INSIG1: variants seen among roughly 807,000 people sequenced by gnomAD.
INSIG1 encodes the protein insulin induced gene 1.
A neutral mutation model predicts 26.5 loss-of-function variants in INSIG1; 14 were observed. The observed-to-expected ratio is 0.53, with a 90% CI of 0.35 to 0.83. The LOEUF (loss-of-function observed/expected upper bound fraction) is 0.83, where lower values mean the gene tolerates loss of function less well. Ranked by LOEUF, INSIG1 falls within the 40% of genes least tolerant of loss-of-function variation. The probability of loss-of-function intolerance (pLI) is 0.01; values close to 1 mark genes in which losing one functional copy is unlikely to be tolerated. For missense variants in INSIG1, 272 were observed against 368.9 expected (o/e 0.74, Z 2.15); for synonymous variants, 147 against 153.3 (o/e 0.96, Z 0.30).
intron 2 of INSIG1, 38 bp from the exon 3 acceptor site, chr7:155,301,528 T>C: frequency 6.4e-7 from 1 of 1,565,320 alleles, no homozygotes; most frequent in South Asian, 1.2e-5. Flanking sequence ...GGAACTTGAA[T>C]CTGCTGTATT....
intron 2 of INSIG1, 96 bp from the exon 3 acceptor site, chr7:155,301,470 A>T (rs574193922): frequency 9.0e-7 from 1 of 1,111,620 alleles, no homozygotes; most frequent in Admixed American, 2.6e-5. Context: ...TAGGAAAAGG[A>T]CTGGTTTGAG....
intron 2 of INSIG1, among the ~76,000 whole-genome samples, chr7:155,301,131 G>A (rs1054563317): frequency 5.9e-5 from 9 of 152,242 alleles, no homozygotes; most frequent in African/African-American, 1.9e-4. Context: ...GAGTGTCAGA[G>A]CTGTGATGTG....
Position 155,302,922 on chromosome 7 carries a change from C to A in INSIG1, c.804+76C>A. On this transcript the variant is annotated intron_variant, in intron 5 of 5. Transcript: ENST00000340368. This position sits in a 1 kb window ranked among gnomAD's most constrained non-coding sequence, Gnocchi z 4.3. ...ATAGAATGACTTTACATGATACATT[C>A]AAATTTGCGTTCATATATTCTGGTT... 1.0e-6 allele frequency: 1 copy of A among 989,552 alleles called. No homozygotes were observed. Among genetic ancestry groups the A allele is most frequent in the Non-Finnish European group, 1.6e-6 (1 of 625,540 alleles). The allele number at this position is 989,552 out of a possible 1,614,324, so 61.3% of individuals were successfully genotyped here.
rs1129830 is a variant in INSIG1, at chr7:155,302,753, A to G, written c.711A>G (p.Thr237=). 7 of 1,605,610 alleles carry G rather than the reference A, an allele frequency of 4.4e-6. 1 individual carries two copies. In the South Asian group the frequency reaches 6.6e-5, roughly 15 times the overall value. The change falls in exon 5 of 6, where the codon ACA becomes ACG. Residue 237 remains threonine, a synonymous_variant. Transcript: ENST00000340368. This position sits in a 1 kb window ranked among gnomAD's most constrained non-coding sequence, Gnocchi z 4.3. ...GTTTCTTTTCTCGCTCCAGGTATAC[A>G]TCCCCAGATTTCCTCTATATTCGTT... ...FLVYNGVYQY[T]SPDFLYIRSW...
chr7:155,302,430 T>G lies in INSIG1; in HGVS notation c.704+13T>G. On this transcript the variant is annotated intron_variant, in intron 4 of 5. Transcript: ENST00000340368. The surrounding 1 kb of genome is among the most constrained non-coding windows in gnomAD (Gnocchi z 4.3). The stretch of plus-strand genomic sequence containing the variant: ...ATGGTGTCTATCAGTAAGTGTGTGT[T>G]TTCAAATATTGGCTTTGGAAAGCTT... The G allele has an allele frequency of 6.4e-7, 1 of 1,563,196 alleles. No homozygotes were observed. The highest frequency in any genetic ancestry group is 2.3e-5 in the East Asian group (1 of 43,840).
Position 155,302,988 on chromosome 7 carries a change from AAAAAT to A in INSIG1, c.804+144_804+148del. 1 of 538,592 alleles carries A rather than the reference AAAAAT, an allele frequency of 1.9e-6. No homozygotes were observed. 33.4% of individuals were successfully genotyped at this position (538,592 alleles called of 1,614,324 possible). ...ACTACTGAGAAAAGCTTATATTTAA[AAAAAT>A]AGGTAATGATACCCAGGTAATTCTT... On this transcript the variant is annotated intron_variant, in intron 5 of 5. Transcript: ENST00000340368. This position sits in a 1 kb window ranked among gnomAD's most constrained non-coding sequence, Gnocchi z 4.3.
intron 5 of INSIG1, chr7:155,303,167 C>G (rs1585204556): frequency 8.1e-6 from 2 of 248,416 alleles, no homozygotes; most frequent in East Asian, 1.8e-4. Context: ...TGTGAGTGTC[C>G]CCTCCTCCTT....
rs73485859 is a variant in INSIG1, at chr7:155,302,215, A to T, written c.538-36A>T. On this transcript the variant is annotated intron_variant, in intron 3 of 5. Transcript: ENST00000340368. The surrounding 1 kb of genome is among the most constrained non-coding windows in gnomAD (Gnocchi z 4.3). Reference sequence around the variant, plus strand: ...TTTTACGTTTTTTTATCTTAATAAGAGTCAGCAAACTTTTCCTTAACTTTT... The same window carrying T: ...TTTTACGTTTTTTTATCTTAATAAGTGTCAGCAAACTTTTCCTTAACTTTT... The T allele has an allele frequency of 0.017, 25,145 of 1,520,026 alleles. 789 individuals carry two copies. The highest frequency in any genetic ancestry group is 0.12 in the East Asian group (5,016 of 41,802). The allele number at this position is 1,520,026 out of a possible 1,614,324, so 94.2% of individuals were successfully genotyped here.
At chr7:155,300,014 G>A (rs2150894720) in intron 2 of INSIG1, among the ~76,000 whole-genome samples, 1 of 152,166 alleles carries the variant, frequency 6.6e-6, no homozygotes, top group East Asian at 1.9e-4. Flanking sequence ...TGGGTAGAAT[G>A]TTTTCATATT....
intron 5 of INSIG1, among the ~76,000 whole-genome samples, chr7:155,306,960 C>T (rs747812086): frequency 2.6e-5 from 4 of 152,376 alleles, no homozygotes; most frequent in Non-Finnish European, 4.4e-5. Context: ...TCGTCTCTGG[C>T]GTCTTTGCCA....
Position 155,301,602 on chromosome 7 carries a change from A to G in INSIG1, c.449A>G (p.His150Arg). 1 of 1,610,990 alleles carries G rather than the reference A, an allele frequency of 6.2e-7. No homozygotes were observed. Among genetic ancestry groups the G allele is most frequent in the Non-Finnish European group, 8.5e-7 (1 of 1,177,732 alleles). Residue 150 changes from histidine to arginine, a missense_variant, in exon 3 of 6, where the codon CAC becomes CGC. His to Arg is a conservative substitution (Grantham distance 29). This residue lies in a region of INSIG1 where 111 missense variants were observed against 189.8 expected (regional missense o/e 0.58). Coordinates refer to ENST00000340368, the MANE Select transcript of INSIG1 (RefSeq NM_005542.6). The stretch of plus-strand genomic sequence containing the variant: ...CTACTGTACCCCTGTATCGACAGTC[A>G]CCTCGGAGAACCCCACAAATTTAAG... ...VGLLYPCIDSHLGEPHKFKRE... is the reference protein window; with the variant it reads ...VGLLYPCIDSRLGEPHKFKRE...
chr7:155,302,439 T>C lies in INSIG1; in HGVS notation c.704+22T>C. 1 of 1,552,500 alleles carries C rather than the reference T, an allele frequency of 6.4e-7. No homozygotes were observed. The highest frequency in any genetic ancestry group is 1.2e-5 in the South Asian group (1 of 80,930). The stretch of plus-strand genomic sequence containing the variant: ...ATCAGTAAGTGTGTGTTTTCAAATA[T>C]TGGCTTTGGAAAGCTTACTTAACTT... On this transcript the variant is annotated intron_variant, in intron 4 of 5. Coordinates refer to ENST00000340368, the MANE Select transcript of INSIG1 (RefSeq NM_005542.6). The surrounding 1 kb of genome is among the most constrained non-coding windows in gnomAD (Gnocchi z 4.3).
Position 155,308,242 on chromosome 7 carries a change from G to A in INSIG1, c.806G>A (p.Gly269Asp). ...TTTTTTTTTCCTTTCTACACATAGG[G>A]TGTTCCTGAAAAGCCCCATAGTGAT... ...VGNIGRQLAMGVPEKPHSD is the reference protein window; with the variant it reads ...VGNIGRQLAMDVPEKPHSD The change falls in exon 6 of 6, where the codon GGT (glycine) becomes GAT (aspartate). Residue 269 changes from glycine (G) to aspartate (D), a missense_variant and splice_region_variant. By Grantham distance (94) the Gly-to-Asp change is moderately conservative. This residue lies in a region of INSIG1 where 111 missense variants were observed against 189.8 expected (regional missense o/e 0.58). Transcript: ENST00000340368. 6.5e-7 allele frequency: 1 copy of A among 1,548,254 alleles called. No homozygotes were observed. The highest frequency in any genetic ancestry group is 8.9e-7 in the Non-Finnish European group (1 of 1,122,724).
chr7:155,299,114 C>G (rs975354000), intron 2 of INSIG1, among the ~76,000 whole-genome samples: 3 of 152,218 alleles, frequency 2.0e-5, no homozygotes, highest in East Asian at 3.8e-4. Flanking sequence ...AACATGCTAC[C>G]CTGCTGGATA....
rs1563034770 is a variant in INSIG1 at position 155,308,793 on chromosome 7, A to T, written c.*523A>T. ...AGTGATTATAGAGAGGTCACACTCT[A>T]AGTGGGGTCGCGGCGTGGCCACGCT... is the stretch of plus-strand genomic sequence containing the variant. On this transcript the variant is annotated 3_prime_UTR_variant, in exon 6 of 6. Transcript: ENST00000340368. 6.4e-6 allele frequency: 1 copy of T among 155,204 alleles called. No individual in the cohort carries two copies. Among genetic ancestry groups the T allele is most frequent in the Non-Finnish European group, 1.4e-5 (1 of 69,554 alleles). The allele number at this position is 155,204 out of a possible 1,614,324, so 9.6% of individuals were successfully genotyped here. A position where few individuals can be genotyped will look rare whatever the true frequency, so the allele number is the denominator to read the frequency against.
intron 3 of INSIG1, 72 bp downstream of exon 3, chr7:155,301,762 T>C: frequency 7.4e-7 from 1 of 1,354,682 alleles, no homozygotes. Flanking sequence ...TGTTTTGTTA[T>C]ATACTCAAAT....
chr7:155,300,126 T>C (rs1490447108), intron 2 of INSIG1, among the ~76,000 whole-genome samples: 1 of 152,216 alleles, frequency 6.6e-6, no homozygotes, highest in Non-Finnish European at 1.5e-5. Flanking sequence ...TAAAATTCCA[T>C]GTTTCATATA....
intron 2 of INSIG1, among the ~76,000 whole-genome samples, chr7:155,300,046 C>T (rs1421519826): frequency 6.6e-6 from 1 of 152,086 alleles, no homozygotes; most frequent in Non-Finnish European, 1.5e-5. Flanking sequence ...GGACGGGATC[C>T]TCTTTCGTTT....
chr7:155,302,245 C>A lies in INSIG1; in HGVS notation c.538-6C>A. 2 of 1,542,572 alleles carry A rather than the reference C, an allele frequency of 1.3e-6. No homozygotes were observed. Among genetic ancestry groups the A allele is most frequent in the Non-Finnish European group, 1.7e-6 (2 of 1,148,148 alleles). On this transcript the variant is annotated splice_polypyrimidine_tract_variant and splice_region_variant and intron_variant, in intron 3 of 5. Coordinates refer to ENST00000340368, the MANE Select transcript of INSIG1 (RefSeq NM_005542.6). The surrounding 1 kb of genome is among the most constrained non-coding windows in gnomAD (Gnocchi z 4.3). ...GCAAACTTTTCCTTAACTTTTATAT[C>A]ACCAGAAATTGGATTTTGCCAATAA...
Sources: gnomAD v4.1 joint callset for allele counts (sites outside exome capture counted in the v4.1 genomes callset) on GRCh38, gnomAD v4.1.1 for gene constraint, gnomAD v4.1.1 regional missense constraint, Gnocchi (gnomAD v3.1) non-coding constraint, MANE v1.5 for transcripts, NCBI Gene and HGNC (gene_info 2026-07-23, HGNC 2026-07-21) for gene names.